The following STPG2 variants were observed in gnomAD, a reference collection of about 807,000 sequenced individuals.
The protein encoded by STPG2 is sperm tail PG-rich repeat containing 2, also known as sperm-tail PG-rich repeat-containing protein 2.
Under a neutral mutation model 54.2 loss-of-function variants are expected in STPG2, and 56 were observed. That is an observed-to-expected ratio of 1.03 (90% CI 0.83 to 1.29). The LOEUF is 1.29. STPG2 is among the 50% of genes most tolerant of loss of function. The probability of loss-of-function intolerance (pLI) is 0.00; values close to 1 mark genes in which losing one functional copy is unlikely to be tolerated. For synonymous variants in STPG2, 200 were observed against 181.8 expected, an observed-to-expected ratio of 1.10 and a Z score of -0.81; for missense variants, 596 against 544.9, an observed-to-expected ratio of 1.09 and a Z score of -0.93.
At chr4:98,027,928 T>G (rs1217024769) in intron 5 of STPG2, among the ~76,000 whole-genome samples, 1 of 152,200 alleles carries the variant, frequency 6.6e-6, no homozygotes, top group Non-Finnish European at 1.5e-5. Flanking sequence ...GTGCTGCTAT[T>G]GATATAAAAT....
intron 7 of STPG2, among the ~76,000 whole-genome samples, chr4:97,944,609 C>T (rs1449074516): frequency 6.6e-6 from 1 of 152,046 alleles, no homozygotes; most frequent in Non-Finnish European, 1.5e-5. Context: ...GAATAAACAG[C>T]AGCAACATCC....
chr4:97,782,001 C>T (rs1263940949), intron 9 of STPG2, among the ~76,000 whole-genome samples: 3 of 152,200 alleles, frequency 2.0e-5, no homozygotes, highest in Non-Finnish European at 4.4e-5. Context: ...AAACTGGAAG[C>T]ATTCCCTTTG....
At chr4:97,979,911 G>T (rs1403475288) in intron 6 of STPG2, among the ~76,000 whole-genome samples, 1 of 152,002 alleles carries the variant, frequency 6.6e-6, no homozygotes, top group Non-Finnish European at 1.5e-5. Context: ...TTTTAGTATA[G>T]ATGGAGTTTC....
intron 7 of STPG2, among the ~76,000 whole-genome samples, chr4:97,951,448 A>G (rs562357016): frequency 5.9e-5 from 9 of 151,558 alleles, no homozygotes; most frequent in Admixed American, 2.6e-4. Flanking sequence ...TGGGTATACT[A>G]TTTCTTCTAA....
chr4:97,929,437 T>C lies in STPG2; in HGVS notation c.1044+14460A>G, dbSNP rs991457319. Reference sequence around the variant, plus strand: ...GAATGGGATTTCTGTTTTTAGATCTTTGGGGAATTGCCACACTGTCTTCTA... The same window carrying C: ...GAATGGGATTTCTGTTTTTAGATCTCTGGGGAATTGCCACACTGTCTTCTA... On this transcript the variant is annotated intron_variant, in intron 8 of 10. Coordinates refer to ENST00000295268, the MANE Select transcript of STPG2 (RefSeq NM_174952.3). 2.6e-5 allele frequency among the ~76,000 whole-genome samples: 4 copies of C among 152,304 alleles called. No individual in the cohort carries two copies. In the East Asian group the frequency reaches 5.8e-4, roughly 22 times the overall value.
chr4:97,978,108 G>T (rs1453908954), intron 6 of STPG2, among the ~76,000 whole-genome samples: 1 of 152,104 alleles, frequency 6.6e-6, no homozygotes, highest in Non-Finnish European at 1.5e-5. Context: ...AGAAGGAAAA[G>T]AGTTTATAAA....
chr4:97,481,687 C>G (rs181739840), intron 4 of STPG2, among the ~76,000 whole-genome samples: 1 of 151,606 alleles, frequency 6.6e-6, no homozygotes, highest in Non-Finnish European at 1.5e-5. Context: ...TTTTTGAACA[C>G]TGACCTTATA....
intron 8 of STPG2, among the ~76,000 whole-genome samples, chr4:97,882,224 G>C (rs562929211): frequency 7.2e-5 from 11 of 152,284 alleles, no homozygotes; most frequent in Non-Finnish European, 1.5e-4. Flanking sequence ...CTACACTATG[G>C]ACTGTATGTT....
chr4:97,489,888 C>A (rs1730460861), intron 4 of STPG2: 2 of 151,000 alleles, frequency 1.3e-5, no homozygotes, highest in Non-Finnish European at 3.0e-5. Context: ...ATTAAGGAGA[C>A]AAAAGATTGC....
At chr4:98,113,160 G>A (rs567007311) in intron 3 of STPG2, among the ~76,000 whole-genome samples, 37 of 152,060 alleles carry the variant, frequency 2.4e-4, no homozygotes, top group Admixed American at 4.6e-4. Context: ...CAGCTAATCC[G>A]GCAGCTTTAG....
chr4:97,521,790 TATC>T, intron 4 of STPG2, among the ~76,000 whole-genome samples: 1 of 152,066 alleles, frequency 6.6e-6, no homozygotes, highest in Non-Finnish European at 1.5e-5. Context: ...CCAACTTAAT[TATC>T]ATTAAAAATA....
intron 10 of STPG2, among the ~76,000 whole-genome samples, chr4:97,600,380 AG>A (rs1432722957): frequency 6.6e-6 from 1 of 152,214 alleles, no homozygotes; most frequent in Non-Finnish European, 1.5e-5. Flanking sequence ...CTTTCTTCAA[AG>A]GGCTTAAAAT....
At chr4:97,458,094 A>T (rs1578314804) in intron 4 of STPG2, among the ~76,000 whole-genome samples, 1 of 152,338 alleles carries the variant, frequency 6.6e-6, no homozygotes, top group East Asian at 1.9e-4. Context: ...AGATGAAAAC[A>T]GATATTTGGT....
At chr4:97,803,982 G>A (rs1311273017) in intron 9 of STPG2, among the ~76,000 whole-genome samples, 3 of 152,172 alleles carry the variant, frequency 2.0e-5, no homozygotes, top group Admixed American at 1.3e-4. Flanking sequence ...TTGGGAGGCT[G>A]CTTTCCAGAG....
At chr4:97,774,404 A>G (rs544021293) in intron 9 of STPG2, among the ~76,000 whole-genome samples, 118 of 152,254 alleles carry the variant, frequency 7.8e-4, no homozygotes, top group African/African-American at 2.7e-3. Flanking sequence ...CTTCAGCCTC[A>G]TCACTCCTCC....
intron 5 of STPG2, among the ~76,000 whole-genome samples, chr4:98,074,777 T>C (rs944210400): frequency 1.3e-5 from 2 of 152,210 alleles, no homozygotes; most frequent in African/African-American, 2.4e-5. Flanking sequence ...TAAAATCTGT[T>C]TGATGTTTTT....
chr4:97,787,240 T>C (rs1578563795), intron 9 of STPG2, among the ~76,000 whole-genome samples: 1 of 152,120 alleles, frequency 6.6e-6, no homozygotes, highest in African/African-American at 2.4e-5. Flanking sequence ...CATAAAACGA[T>C]GGATAACAAT....
intron 9 of STPG2, among the ~76,000 whole-genome samples, chr4:97,759,727 C>T: frequency 6.6e-6 from 1 of 152,092 alleles, no homozygotes; most frequent in East Asian, 1.9e-4. Context: ...CAGCAAAATA[C>T]TTGTTTGCTG....
At chr4:98,007,428 A>C (rs546848065) in intron 5 of STPG2, among the ~76,000 whole-genome samples, 1 of 152,332 alleles carries the variant, frequency 6.6e-6, no homozygotes, top group East Asian at 1.9e-4. Flanking sequence ...CCTACTCAGC[A>C]TACATTATAA....
Sources: allele counts gnomAD v4.1 joint callset (sites outside exome capture counted in the v4.1 genomes callset), GRCh38; gene constraint gnomAD v4.1.1; transcripts MANE v1.5; gene names NCBI Gene and HGNC (gene_info 2026-07-23, HGNC 2026-07-21).